The following PRKCI variants were observed in gnomAD, a reference collection of about 807,000 sequenced individuals.
The protein encoded by PRKCI is protein kinase C iota.
PRKCI carries 43 observed loss-of-function variants against 84.0 expected under a neutral mutation model. That is an observed-to-expected ratio of 0.51 (90% CI 0.40 to 0.66). The LOEUF is 0.66. PRKCI is among the 30% of genes least tolerant of loss of function. The probability of loss-of-function intolerance (pLI) is 0.00; values close to 1 mark genes in which losing one functional copy is unlikely to be tolerated. For missense variants in PRKCI, 459 were observed against 745.6 expected (o/e 0.62, Z 4.48); for synonymous variants, 216 against 234.4 (o/e 0.92, Z 0.72).
chr3:170,231,961 C>CT (rs1392508557), intron 1 of PRKCI, among the ~76,000 whole-genome samples: 2 of 152,134 alleles, frequency 1.3e-5, no homozygotes, highest in Non-Finnish European at 2.9e-5. Context: ...TGCCACTGCA[C>CT]TTCAACCTGG....
Position 170,284,599 on chromosome 3 carries a change from G to A in PRKCI, c.1203+3G>A. On this transcript the variant is annotated splice_donor_region_variant and intron_variant, in intron 12 of 17. Coordinates refer to ENST00000295797, the MANE Select transcript of PRKCI (RefSeq NM_002740.6). ...TCACTGACTACGGCATGTGTAAGGT[G>A]AGGAAAATTTTCTAGTTATTTTAAA... The A allele has an allele frequency of 6.2e-7, 1 of 1,605,906 alleles. No homozygotes were observed. The highest frequency in any genetic ancestry group is 8.5e-7 in the Non-Finnish European group (1 of 1,178,206).
intron 5 of PRKCI, among the ~76,000 whole-genome samples, chr3:170,268,246 C>T (rs911949616): frequency 6.6e-6 from 1 of 151,968 alleles, no homozygotes; most frequent in African/African-American, 2.4e-5. Flanking sequence ...ATTGGGAGGC[C>T]AAGGCTGCCG....
At chr3:170,227,399 A>T (rs1732658367) in intron 1 of PRKCI, among the ~76,000 whole-genome samples, 1 of 152,224 alleles carries the variant, frequency 6.6e-6, no homozygotes, top group South Asian at 2.1e-4. Flanking sequence ...AGGGAAGGAC[A>T]TATAAGAGTT....
In PRKCI at chr3:170,260,022, T is replaced by C; in HGVS notation, c.277T>C (p.Tyr93His). 6.2e-7 allele frequency: 1 copy of C among 1,612,980 alleles called. No homozygotes were observed. Among genetic ancestry groups the C allele is most frequent in the Non-Finnish European group, 8.5e-7 (1 of 1,179,372 alleles). The change falls in exon 3 of 18, where the codon TAT becomes CAT. Residue 93 changes from tyrosine (Y) to histidine (H), a missense_variant. Tyr to His is a moderately conservative substitution (Grantham distance 83). Coordinates refer to ENST00000295797, the MANE Select transcript of PRKCI (RefSeq NM_002740.6). ...GGAGTTAGAAGAAGCCTTTAGACTT[T>C]ATGAGCTAAACAAGGATTCTGAACT... ...QLELEEAFRL[Y>H]ELNKDSELLI...
intron 2 of PRKCI, among the ~76,000 whole-genome samples, chr3:170,239,254 CT>C (rs1275738306): frequency 6.6e-6 from 1 of 152,088 alleles, no homozygotes; most frequent in Non-Finnish European, 1.5e-5. Context: ...GTATCTTTAT[CT>C]TTTTGACCTA....
chr3:170,286,834 A>T (rs1734405135), intron 12 of PRKCI, among the ~76,000 whole-genome samples: 1 of 148,720 alleles, frequency 6.7e-6, no homozygotes, highest in South Asian at 2.1e-4. Context: ...TTAAATAGAG[A>T]CGAGGTCTCG....
At chr3:170,299,204 A>G (rs1734762440) in intron 17 of PRKCI, 94 bp downstream of exon 17, 1 of 574,498 alleles carries the variant, frequency 1.7e-6, no homozygotes, top group Non-Finnish European at 2.8e-6. Context: ...ATTATACTAT[A>G]ATTTTTTTAT....
At chr3:170,227,553 A>G (rs780422855) in intron 1 of PRKCI, among the ~76,000 whole-genome samples, 1 of 152,174 alleles carries the variant, frequency 6.6e-6, no homozygotes, top group African/African-American at 2.4e-5. Flanking sequence ...CTGGTGAATA[A>G]TGATGTTAGG....
At chr3:170,248,074 G>C (rs953370211) in intron 2 of PRKCI, among the ~76,000 whole-genome samples, 1 of 152,114 alleles carries the variant, frequency 6.6e-6, no homozygotes, top group Non-Finnish European at 1.5e-5. Flanking sequence ...GTGAGTCTGT[G>C]GCTAACTCAG....
chr3:170,263,381 T>C lies in PRKCI; in HGVS notation c.316T>C (p.Phe106Leu). The C allele has an allele frequency of 6.3e-7, 1 of 1,599,180 alleles. No individual in the cohort carries two copies. The highest frequency in any genetic ancestry group is 8.6e-7 in the Non-Finnish European group (1 of 1,166,528). The change falls in exon 4 of 18, where the codon TTC becomes CTC. Residue 106 changes from phenylalanine (F) to leucine (L), a missense_variant and splice_region_variant. Transcript: ENST00000295797. ...NKDSELLIHV[F>L]PCVPERPGMP... is the part of the protein sequence containing the mutation. Reference sequence around the variant, plus strand: ...CATGTTCGTTTATTTTCTTTCAGTGTTCCCTTGTGTACCAGAACGTCCTGG... The same window carrying C: ...CATGTTCGTTTATTTTCTTTCAGTGCTCCCTTGTGTACCAGAACGTCCTGG...
intron 4 of PRKCI, 114 bp downstream of exon 4, chr3:170,263,543 T>A: frequency 2.4e-6 from 2 of 850,422 alleles, no homozygotes; most frequent in Non-Finnish European, 3.7e-6. Flanking sequence ...GGCTAATGCC[T>A]GTAATCCCAG....
chr3:170,247,067 G>C (rs186144149), intron 2 of PRKCI, among the ~76,000 whole-genome samples: 8 of 151,838 alleles, frequency 5.3e-5, no homozygotes, highest in Admixed American at 2.6e-4. Flanking sequence ...CTGCTTTTAA[G>C]ACTTTTTTGT....
intron 3 of PRKCI, 109 bp from the exon 4 acceptor site, chr3:170,263,270 G>A (rs7627512): frequency 0.037 from 29,979 of 803,294 alleles, 1,900 homozygotes; most frequent in African/African-American, 0.23. Context: ...AGTGAAGAGA[G>A]GGTCAGGTTG....
intron 8 of PRKCI, among the ~76,000 whole-genome samples, chr3:170,279,814 G>A (rs975625209): frequency 1.3e-5 from 2 of 152,006 alleles, no homozygotes; most frequent in African/African-American, 2.4e-5. Context: ...AAACCCAATC[G>A]TTCTCTCCAG....
intron 13 of PRKCI, 77 bp from the exon 14 acceptor site, chr3:170,293,306 A>G (rs1370164033): frequency 7.2e-7 from 1 of 1,384,708 alleles, no homozygotes; most frequent in South Asian, 1.4e-5. Context: ...TTTTTCCTTT[A>G]TGTGATAAAA....
intron 1 of PRKCI, among the ~76,000 whole-genome samples, chr3:170,234,542 A>G (rs1036655992): frequency 6.6e-6 from 1 of 152,166 alleles, no homozygotes; most frequent in African/African-American, 2.4e-5. Context: ...CTCTTATTCA[A>G]GAAAGATAAT....
chr3:170,242,630 ATAATG>A (rs1356693506), intron 2 of PRKCI, among the ~76,000 whole-genome samples: 4 of 151,948 alleles, frequency 2.6e-5, no homozygotes, highest in South Asian at 4.1e-4. Context: ...TACATTATTT[ATAATG>A]TAATGTAAAG....
intron 2 of PRKCI, among the ~76,000 whole-genome samples, chr3:170,237,535 TA>T (rs1037437937): frequency 6.6e-6 from 1 of 152,004 alleles, no homozygotes; most frequent in Non-Finnish European, 1.5e-5. Flanking sequence ...CCTGTGGAAA[TA>T]AAAAAAGAGA....
intron 1 of PRKCI, among the ~76,000 whole-genome samples, chr3:170,223,874 A>T (rs1332591631): frequency 6.6e-6 from 1 of 152,130 alleles, no homozygotes; most frequent in Non-Finnish European, 1.5e-5. Context: ...GATTTCAAAG[A>T]AAATCTGAGC....
Sources: allele counts gnomAD v4.1 joint callset (sites outside exome capture counted in the v4.1 genomes callset), GRCh38; gene constraint gnomAD v4.1.1; transcripts MANE v1.5; gene names NCBI Gene and HGNC (gene_info 2026-07-23, HGNC 2026-07-21).